Variants in SRBD1 observed in about 807,000 individuals in gnomAD.
SRBD1 encodes S1 RNA binding domain 1.
In SRBD1, 88 loss-of-function variants were observed where a neutral mutation model predicts 115.3. The observed-to-expected ratio is 0.76, with a 90% CI of 0.64 to 0.91. The LOEUF (loss-of-function observed/expected upper bound fraction) is 0.91. SRBD1 is among the 40% of genes least tolerant of loss of function. The probability of loss-of-function intolerance (pLI) is 0.00; values close to 1 mark genes in which losing one functional copy is unlikely to be tolerated. For missense variants in SRBD1, 1,385 were observed against 1,177.4 expected (o/e 1.18, Z -2.58); for synonymous variants, 509 against 407.7 (o/e 1.25, Z -2.99).
intron 4 of SRBD1, among the ~76,000 whole-genome samples, chr2:45,590,712 T>G (rs1673694440): frequency 6.6e-6 from 1 of 152,152 alleles, no homozygotes. Flanking sequence ...TGCTGTACTG[T>G]AAGTCAATTA....
intron 14 of SRBD1, among the ~76,000 whole-genome samples, chr2:45,508,043 G>A (rs932050770): frequency 1.3e-5 from 2 of 152,100 alleles, no homozygotes; most frequent in African/African-American, 4.8e-5. Flanking sequence ...CTTAAAGCCT[G>A]ACCGATAGAT....
At chr2:45,577,368 A>G (rs1235613825) in intron 7 of SRBD1, among the ~76,000 whole-genome samples, 4 of 152,254 alleles carry the variant, frequency 2.6e-5, no homozygotes, top group African/African-American at 9.6e-5. Context: ...AGGAGGAAAT[A>G]TGGTACACAG....
At chr2:45,472,332 G>A (rs548256880) in intron 16 of SRBD1, among the ~76,000 whole-genome samples, 49 of 152,284 alleles carry the variant, frequency 3.2e-4, no homozygotes, top group African/African-American at 1.1e-3. Flanking sequence ...AACGGAGAAT[G>A]ACTGCTAATG....
chr2:45,390,876 T>C (rs1157255053), intron 20 of SRBD1, among the ~76,000 whole-genome samples: 5 of 152,300 alleles, frequency 3.3e-5, no homozygotes, highest in African/African-American at 1.2e-4. Flanking sequence ...TACGCTAAAA[T>C]TGGAATTGAT....
intron 16 of SRBD1, among the ~76,000 whole-genome samples, chr2:45,423,426 T>C (rs946330385): frequency 6.6e-6 from 1 of 152,166 alleles, no homozygotes; most frequent in African/African-American, 2.4e-5. Context: ...TATTGTTCCA[T>C]ATACATTAAA....
chr2:45,432,273 C>T (rs951626198), intron 16 of SRBD1, among the ~76,000 whole-genome samples: 1 of 152,120 alleles, frequency 6.6e-6, no homozygotes, highest in Non-Finnish European at 1.5e-5. Flanking sequence ...AGGTGATCCG[C>T]CCACCTCAGC....
intron 1 of SRBD1, among the ~76,000 whole-genome samples, chr2:45,606,531 TTGAC>T (rs1366420636): frequency 2.6e-5 from 4 of 152,178 alleles, no homozygotes; most frequent in East Asian, 1.9e-4. Context: ...ATGATGCTGA[TTGAC>T]TGAGTAAGCA....
rs957594190 is a variant in SRBD1, at chr2:45,599,775, C to T, written c.322G>A (p.Val108Ile). The T allele has an allele frequency of 6.2e-7, 1 of 1,614,136 alleles. No individual in the cohort carries two copies. Among genetic ancestry groups the T allele is most frequent in the Non-Finnish European group, 8.5e-7 (1 of 1,180,026 alleles). Reference sequence around the variant, plus strand: ...GTCTTGGCTGTTTTCAGAGTCTGTACAGTATCCAATTTATTTTTTCTGTCT... The same window carrying T: ...GTCTTGGCTGTTTTCAGAGTCTGTATAGTATCCAATTTATTTTTTCTGTCT... ...LEDRKNKLDT[V>I]QTLKTAKTKQ... Residue 108 changes from valine to isoleucine, a missense_variant, in exon 4 of 21, where the codon GTA becomes ATA. Coordinates refer to ENST00000263736, the MANE Select transcript of SRBD1 (RefSeq NM_018079.5).
intron 5 of SRBD1, 49 bp downstream of exon 5, chr2:45,585,559 A>C: frequency 1.3e-6 from 2 of 1,561,948 alleles, no homozygotes; most frequent in South Asian, 2.4e-5. Context: ...ACTGTTCCTC[A>C]TTGGCCTTTT....
chr2:45,401,681 G>T (rs1667295562), intron 19 of SRBD1, among the ~76,000 whole-genome samples: 1 of 152,208 alleles, frequency 6.6e-6, no homozygotes, highest in Non-Finnish European at 1.5e-5. Flanking sequence ...TGCCAATGCA[G>T]AACGAAGCTG....
intron 14 of SRBD1, among the ~76,000 whole-genome samples, chr2:45,520,552 G>C (rs1339578159): frequency 6.6e-6 from 1 of 152,200 alleles, no homozygotes; most frequent in Non-Finnish European, 1.5e-5. Flanking sequence ...AGGCATTCTT[G>C]TTTTCGTGCC....
intron 16 of SRBD1, among the ~76,000 whole-genome samples, chr2:45,424,826 T>TGA (rs1668105333): frequency 6.6e-6 from 1 of 152,182 alleles, no homozygotes; most frequent in South Asian, 2.1e-4. Flanking sequence ...AAATGAAATG[T>TGA]GAGGGTAAAT....
chr2:45,543,289 A>C (rs1672004575), intron 14 of SRBD1, among the ~76,000 whole-genome samples: 1 of 152,238 alleles, frequency 6.6e-6, no homozygotes, highest in Non-Finnish European at 1.5e-5. Flanking sequence ...ATGTGTAAGT[A>C]TCATGATTCG....
chr2:45,547,253 G>C (rs1226074420), intron 13 of SRBD1, among the ~76,000 whole-genome samples: 1 of 152,198 alleles, frequency 6.6e-6, no homozygotes, highest in African/African-American at 2.4e-5. Flanking sequence ...AAGGCAGGGA[G>C]AGAGGGAGAA....
chr2:45,446,028 G>A (rs575777159), intron 16 of SRBD1, among the ~76,000 whole-genome samples: 1 of 152,250 alleles, frequency 6.6e-6, no homozygotes, highest in African/African-American at 2.4e-5. Context: ...TACATGATGG[G>A]GACACAGTTA....
intron 14 of SRBD1, among the ~76,000 whole-genome samples, chr2:45,519,226 T>C (rs1173526500): frequency 6.6e-6 from 1 of 152,204 alleles, no homozygotes; most frequent in Non-Finnish European, 1.5e-5. Flanking sequence ...ATTTCAGTTA[T>C]TCCCAGAAAA....
At chr2:45,468,828 G>A (rs924959976) in intron 16 of SRBD1, among the ~76,000 whole-genome samples, 5 of 152,116 alleles carry the variant, frequency 3.3e-5, no homozygotes, top group Non-Finnish European at 7.4e-5. Context: ...CCAAAGTGGT[G>A]GTACCAATTT....
At position 45,393,120 on chromosome 2, in the gene SRBD1, T is replaced by C; in HGVS notation, c.2523A>G (p.Ser841=). The C allele has an allele frequency of 1.2e-6, 2 of 1,602,738 alleles. No homozygotes were observed. The highest frequency in any genetic ancestry group is 4.5e-5 in the East Asian group (2 of 44,778). Residue 841 remains serine, a synonymous_variant, in exon 20 of 21, where the codon TCA becomes TCG. Coordinates refer to ENST00000263736, the MANE Select transcript of SRBD1 (RefSeq NM_018079.5). The part of the protein sequence containing the change: ...ESYDIAMRFL[S]SIGGTLYEVG... The stretch of plus-strand genomic sequence containing the variant: ...CCTCATACAGTGTCCCTCCAATGGA[T>C]GACAAAAACCTGCAGTGGAAAAAAT...
Position 45,599,622 on chromosome 2 carries a change from T to G in SRBD1, c.475A>C (p.Thr159Pro). The change falls in exon 4 of 21, where the codon ACT becomes CCT. Residue 159 changes from threonine to proline, a missense_variant. Coordinates refer to ENST00000263736, the MANE Select transcript of SRBD1 (RefSeq NM_018079.5). ...TTCTTGCATGTACCTCCCCACACAGTGCTTGTGGATGGTGTCTCTGAACTA... is the reference window on the plus strand; with the variant it reads ...TTCTTGCATGTACCTCCCCACACAGGGCTTGTGGATGGTGTCTCTGAACTA... Reference protein sequence around the residue: ...SNSSETPSTSTVWGGTCKKEE... With the variant: ...SNSSETPSTSPVWGGTCKKEE... The G allele has an allele frequency of 6.2e-6, 10 of 1,614,208 alleles. No homozygotes were observed. Among genetic ancestry groups the G allele is most frequent in the Non-Finnish European group, 8.5e-6 (10 of 1,180,028 alleles).
Sources: gnomAD v4.1 joint callset for allele counts (sites outside exome capture counted in the v4.1 genomes callset) on GRCh38, gnomAD v4.1.1 for gene constraint, MANE v1.5 for transcripts, NCBI Gene and HGNC (gene_info 2026-07-23, HGNC 2026-07-21) for gene names.